Variants in WDR7 observed in about 807,000 individuals in gnomAD.
WDR7 encodes the protein WD repeat domain 7.
A neutral mutation model predicts 169.4 loss-of-function variants in WDR7; 46 were observed. That is an observed-to-expected ratio of 0.27 (90% CI 0.21 to 0.35). WDR7 has a LOEUF of 0.35. Among genes scored for constraint, WDR7 ranks in the 10% least tolerant of loss-of-function variants. The pLI, the probability that WDR7 is intolerant of heterozygous loss-of-function variation, is 1.00. For synonymous variants in WDR7, 612 were observed against 666.8 expected, an observed-to-expected ratio of 0.92 and a Z score of 1.27; for missense variants, 1,534 against 1,859.3, an observed-to-expected ratio of 0.83 and a Z score of 3.22.
chr18:56,804,624 T>C (rs2044737005), intron 19 of WDR7, among the ~76,000 whole-genome samples: 1 of 152,190 alleles, frequency 6.6e-6, no homozygotes, highest in African/African-American at 2.4e-5. Flanking sequence ...AATGTATTAA[T>C]GCATATCACT....
At position 56,803,498 on chromosome 18, in the gene WDR7, A is replaced by G. The variant is rs56336332; in HGVS notation, c.3191-12533A>G. 8.2e-3 allele frequency among the ~76,000 whole-genome samples: 1,255 copies of G among 152,298 alleles called. 5 individuals are homozygous for G. The highest frequency in any genetic ancestry group is 0.024 in the Middle Eastern group (7 of 294). ...GTAAATATTCTGATTTTTTGCCATC[A>G]AATATCTTATTTATAAACATGTATC... is the stretch of plus-strand genomic sequence containing the variant. On this transcript the variant is annotated intron_variant, in intron 19 of 27. Coordinates refer to ENST00000254442, the MANE Select transcript of WDR7 (RefSeq NM_015285.3).
chr18:56,993,417 G>C (rs949836262), intron 26 of WDR7, among the ~76,000 whole-genome samples: 3 of 151,900 alleles, frequency 2.0e-5, no homozygotes, highest in African/African-American at 7.3e-5. Flanking sequence ...AATGAGATGA[G>C]GCTGCCTGGA....
intron 20 of WDR7, among the ~76,000 whole-genome samples, chr18:56,834,810 G>A (rs114947616): frequency 2.3e-3 from 347 of 152,292 alleles, no homozygotes; most frequent in African/African-American, 8.0e-3. Flanking sequence ...AGTCTTCCCA[G>A]TTTAGAAGCA....
chr18:57,018,407 G>C (rs2048238259), intron 26 of WDR7, among the ~76,000 whole-genome samples: 1 of 152,254 alleles, frequency 6.6e-6, no homozygotes, highest in Non-Finnish European at 1.5e-5. Context: ...GAGGGACCAG[G>C]TGGGAAATAA....
chr18:56,784,825 C>G (rs2044371703), intron 19 of WDR7, among the ~76,000 whole-genome samples: 1 of 150,678 alleles, frequency 6.6e-6, no homozygotes, highest in Non-Finnish European at 1.5e-5. Context: ...TTATGTAAGT[C>G]TTTTGTATTT....
At chr18:56,885,840 AAC>A (rs1232650975) in intron 21 of WDR7, among the ~76,000 whole-genome samples, 1 of 150,584 alleles carries the variant, frequency 6.6e-6, no homozygotes, top group Non-Finnish European at 1.5e-5. Flanking sequence ...AAAAAAAAAA[AAC>A]AAAAAACTTC....
chr18:57,010,125 G>C (rs1171351590), intron 26 of WDR7: 2 of 985,334 alleles, frequency 2.0e-6, no homozygotes, highest in Non-Finnish European at 2.4e-6. Flanking sequence ...TGTGGAAGCA[G>C]GAGGGGAGGG....
chr18:56,939,742 T>C (rs1244275092), intron 25 of WDR7, among the ~76,000 whole-genome samples: 1 of 152,248 alleles, frequency 6.6e-6, no homozygotes, highest in East Asian at 1.9e-4. Flanking sequence ...AATGTTCTTT[T>C]CTGCCAGCAG....
intron 22 of WDR7, among the ~76,000 whole-genome samples, chr18:56,928,380 G>A (rs148567265): frequency 1.4e-4 from 21 of 152,256 alleles, no homozygotes; most frequent in Non-Finnish European, 2.1e-4. Flanking sequence ...AGGAAGGATC[G>A]CTTGAGTCTG....
chr18:56,852,764 A>G (rs2045660521), intron 20 of WDR7, among the ~76,000 whole-genome samples: 1 of 152,198 alleles, frequency 6.6e-6, no homozygotes, highest in Non-Finnish European at 1.5e-5. Context: ...ATGGACTAGA[A>G]GATTTAGATT....
chr18:57,029,911 G>A (rs1178049631), downstream of WDR7: 1 of 152,182 alleles, frequency 6.6e-6, no homozygotes, highest in East Asian at 1.9e-4. Flanking sequence ...CTGGAGAGCT[G>A]GCTTGGGAAA....
In WDR7 at chr18:56,940,351, G is replaced by A. The variant is rs535343903; in HGVS notation, c.4064+958G>A. 1.6e-4 allele frequency among the ~76,000 whole-genome samples: 25 copies of A among 152,154 alleles called. No individual in the cohort carries two copies. In the South Asian group the frequency reaches 4.2e-3, roughly 25 times the overall value. On this transcript the variant is annotated intron_variant, in intron 25 of 27. Coordinates refer to ENST00000254442, the MANE Select transcript of WDR7 (RefSeq NM_015285.3). ...ACGTGATTGTACTCTATGAGCCTTC[G>A]CATATCTTTTTCTGTATTTACAATA...
intron 9 of WDR7, among the ~76,000 whole-genome samples, chr18:56,693,057 C>G (rs936093021): frequency 2.6e-5 from 4 of 151,964 alleles, no homozygotes; most frequent in Non-Finnish European, 5.9e-5. Flanking sequence ...ATGGCGAGAC[C>G]CTGTCTCAAA....
intron 26 of WDR7, among the ~76,000 whole-genome samples, chr18:56,975,426 G>A (rs2047551952): frequency 6.6e-6 from 1 of 152,144 alleles, no homozygotes; most frequent in African/African-American, 2.4e-5. Context: ...AGGTTGCAAA[G>A]GAGTGTGAAA....
At chr18:56,784,326 G>T (rs140839046) in intron 19 of WDR7, among the ~76,000 whole-genome samples, 222 of 152,206 alleles carry the variant, frequency 1.5e-3, no homozygotes, top group Middle Eastern at 6.8e-3. Context: ...GGAGTGTAAG[G>T]TGGTAAAGTG....
chr18:57,021,352 A>G lies in WDR7; in HGVS notation c.4269+503A>G, dbSNP rs563311166. 1.0e-3 allele frequency among the ~76,000 whole-genome samples: 158 copies of G among 152,288 alleles called. 1 individual carries two copies. In the South Asian group the frequency reaches 0.031, roughly 30 times the overall value. Reference sequence around the variant, plus strand: ...GAAGCCTCGCTGGCTTCAGCTATTCATTTACACGAGGCCTTCACACTTGGT... The same window carrying G: ...GAAGCCTCGCTGGCTTCAGCTATTCGTTTACACGAGGCCTTCACACTTGGT... On this transcript the variant is annotated intron_variant, in intron 27 of 27. Transcript: ENST00000254442.
chr18:56,750,901 G>T (rs551833603), intron 14 of WDR7, among the ~76,000 whole-genome samples: 65 of 152,242 alleles, frequency 4.3e-4, no homozygotes, highest in African/African-American at 1.4e-3. Flanking sequence ...ACAAGACTTT[G>T]TTGGGTCAGT....
chr18:56,872,057 C>G (rs1444670547), intron 20 of WDR7, among the ~76,000 whole-genome samples: 2 of 151,574 alleles, frequency 1.3e-5, no homozygotes, highest in Non-Finnish European at 2.9e-5. Context: ...GTTTTAATAC[C>G]TAATGCAATA....
chr18:56,882,699 C>A (rs2046126273), intron 21 of WDR7, among the ~76,000 whole-genome samples: 1 of 152,156 alleles, frequency 6.6e-6, no homozygotes, highest in African/African-American at 2.4e-5. Context: ...CTTTAAAATA[C>A]CTAGGTCTTA....
Sources: allele counts gnomAD v4.1 joint callset (sites outside exome capture counted in the v4.1 genomes callset), GRCh38; gene constraint gnomAD v4.1.1; transcripts MANE v1.5; gene names NCBI Gene and HGNC (gene_info 2026-07-23, HGNC 2026-07-21).